The following DNAH12 variants were observed in gnomAD, a reference collection of about 807,000 sequenced individuals.
The protein encoded by DNAH12 is axonemal beta dynein heavy chain 12.
DNAH12 carries 285 observed loss-of-function variants against 371.5 expected under a neutral mutation model. The ratio of observed to expected loss-of-function variants is 0.77; its 90% CI spans 0.70 to 0.85. DNAH12 has a LOEUF of 0.85. Among genes scored for constraint, DNAH12 ranks in the 40% least tolerant of loss-of-function variants. DNAH12 has a pLI of 0.00. For synonymous variants in DNAH12, 1,200 were observed against 1,213.0 expected (o/e 0.99, Z 0.22); for missense variants, 3,611 against 3,689.4 (o/e 0.98, Z 0.55).
At chr3:57,399,461 T>C (rs1408073989) in intron 43 of DNAH12, among the ~76,000 whole-genome samples, 1 of 152,018 alleles carries the variant, frequency 6.6e-6, no homozygotes, top group Non-Finnish European at 1.5e-5. Flanking sequence ...ATATGTAAGC[T>C]AAAGAATGGA....
At position 57,326,487 on chromosome 3, in the gene DNAH12, C is replaced by T. The variant is rs575168779; in HGVS notation, c.9979-2868G>A. 2.6e-5 allele frequency among the ~76,000 whole-genome samples: 4 copies of T among 152,228 alleles called. No individual in the cohort carries two copies. The South Asian group carries it at 6.2e-4, about 24-fold the overall frequency. ...CTTCAGAAGTGAAGGAGAAATAAAA[C>T]ACTTTACAGACAAACAAATGCTGAG... On this transcript the variant is annotated intron_variant, in intron 62 of 73. Transcript: ENST00000495027.
chr3:57,523,635 TAAATC>T, intron 3 of DNAH12, 26 bp from the exon 4 acceptor site: 1 of 1,521,314 alleles, frequency 6.6e-7, no homozygotes, highest in Non-Finnish European at 8.8e-7. Flanking sequence ...AGGATATAAT[TAAATC>T]AAGGAGAACA....
intron 4 of DNAH12, among the ~76,000 whole-genome samples, chr3:57,511,631 G>A (rs555496365): frequency 6.6e-6 from 1 of 152,232 alleles, no homozygotes; most frequent in Non-Finnish European, 1.5e-5. Context: ...GAATAGCCAA[G>A]AAAACCCTGA....
At chr3:57,420,549 T>C (rs1201186507) in intron 36 of DNAH12, among the ~76,000 whole-genome samples, 2 of 152,176 alleles carry the variant, frequency 1.3e-5, no homozygotes, top group African/African-American at 2.4e-5. Flanking sequence ...ACTGTCACTT[T>C]CCCTTTCCTA....
At chr3:57,471,636 T>C in intron 14 of DNAH12, 30 bp from the exon 15 acceptor site, 8 of 1,496,150 alleles carry the variant, frequency 5.3e-6, no homozygotes, top group Non-Finnish European at 7.1e-6. Context: ...ATCATGTTAG[T>C]TAATCTGTAA....
intron 60 of DNAH12, among the ~76,000 whole-genome samples, chr3:57,339,177 A>G (rs969953017): frequency 6.6e-6 from 1 of 152,184 alleles, no homozygotes. Context: ...GCTTGAAGGC[A>G]GCATGCTCGT....
chr3:57,406,855 G>A (rs868909049), intron 40 of DNAH12, among the ~76,000 whole-genome samples: 20 of 152,016 alleles, frequency 1.3e-4, no homozygotes, highest in African/African-American at 4.6e-4. Context: ...TTAAAGGAAG[G>A]TGAATTAAGC....
chr3:57,542,631 T>C, intron 2 of DNAH12, 70 bp downstream of exon 2: 1 of 1,477,866 alleles, frequency 6.8e-7, no homozygotes, highest in Non-Finnish European at 8.9e-7. Context: ...TAAAACTTTT[T>C]AGGAGAATAT....
rs546092281 is a variant in DNAH12 at position 57,425,687 on chromosome 3, G to T, written c.5254-546C>A. ...AATTATACATAACAATTGTACAATCGCACATAATACATTCTAAATTCTCTG... is the reference window on the plus strand; with the variant it reads ...AATTATACATAACAATTGTACAATCTCACATAATACATTCTAAATTCTCTG... On this transcript the variant is annotated intron_variant, in intron 34 of 73. Coordinates refer to ENST00000495027, the MANE Select transcript of DNAH12 (RefSeq NM_001366028.2). 2.0e-5 allele frequency among the ~76,000 whole-genome samples: 3 copies of T among 151,992 alleles called. No individual in the cohort carries two copies. The South Asian group carries it at 6.2e-4, about 32-fold the overall frequency.
intron 13 of DNAH12, among the ~76,000 whole-genome samples, chr3:57,478,681 T>A (rs6787096): frequency 6.6e-6 from 1 of 152,114 alleles, no homozygotes; most frequent in Non-Finnish European, 1.5e-5. Flanking sequence ...AGAGAAAGGT[T>A]GGGTTACCAA....
intron 38 of DNAH12, 82 bp downstream of exon 38, chr3:57,415,344 T>C: frequency 6.8e-7 from 1 of 1,472,076 alleles, no homozygotes; most frequent in Non-Finnish European, 9.1e-7. Flanking sequence ...ACACAGTTGC[T>C]TATTTAATGT....
intron 62 of DNAH12, among the ~76,000 whole-genome samples, chr3:57,328,510 A>G (rs1029630384): frequency 8.1e-5 from 12 of 149,008 alleles, no homozygotes; most frequent in African/African-American, 1.7e-4. Flanking sequence ...AAATTCAACA[A>G]CCCTTCATGC....
rs550688927 is a variant in DNAH12 at position 57,334,832 on chromosome 3, G to C, written c.9783C>G (p.Ser3261Arg). ...NPDPTWLQDK[S>R]WEEICRASEF... ...CACTTGCCCGACAGATTTCCTCCCA[G>C]CTTTTGTCCTGTAGCCAAGTTGGAT... Residue 3261 changes from serine (S) to arginine (R), a missense_variant, in exon 61 of 74, where the codon AGC becomes AGG. By Grantham distance (110) the Ser-to-Arg change is moderately radical (BLOSUM62 -1). Transcript: ENST00000495027. The C allele has an allele frequency of 6.4e-7, 1 of 1,552,000 alleles. No homozygotes were observed. The highest frequency in any genetic ancestry group is 2.0e-5 in the Admixed American group (1 of 50,998).
intron 43 of DNAH12, among the ~76,000 whole-genome samples, chr3:57,398,629 A>C (rs1457572440): frequency 2.6e-5 from 4 of 152,220 alleles, no homozygotes; most frequent in African/African-American, 9.6e-5. Context: ...TACAGACCAG[A>C]AGGAAGTAAG....
intron 65 of DNAH12, among the ~76,000 whole-genome samples, chr3:57,319,742 A>AT (rs2061763864): frequency 7.2e-6 from 1 of 138,984 alleles, no homozygotes; most frequent in African/African-American, 2.6e-5. Context: ...ACACCTTGCT[A>AT]ATTTTTTTTT....
At chr3:57,497,753 C>T (rs1485064674) in intron 11 of DNAH12, among the ~76,000 whole-genome samples, 1 of 151,944 alleles carries the variant, frequency 6.6e-6, no homozygotes, top group Admixed American at 6.6e-5. Flanking sequence ...AACGTATGAA[C>T]CTCAGAAGAA....
intron 2 of DNAH12, among the ~76,000 whole-genome samples, chr3:57,525,152 A>C (rs1364917106): frequency 2.2e-4 from 27 of 123,366 alleles, no homozygotes; most frequent in Non-Finnish European, 1.3e-4. Context: ...TAAGAGGAGA[A>C]ACAAAAAAAA....
chr3:57,462,729 G>C lies in DNAH12; in HGVS notation c.2496C>G (p.Tyr832Ter). 6.4e-6 allele frequency: 10 copies of C among 1,551,468 alleles called. No individual in the cohort carries two copies. Among genetic ancestry groups the C allele is most frequent in the Non-Finnish European group, 8.7e-6 (10 of 1,146,894 alleles). Residue 832 changes from tyrosine to a stop codon, truncating the protein, a stop_gained, in exon 18 of 74, where the codon TAC (tyrosine) becomes TAG (stop). Coordinates refer to ENST00000495027, the MANE Select transcript of DNAH12 (RefSeq NM_001366028.2). LOFTEE classifies it high-confidence loss of function. Reference protein sequence around the residue: ...RKVLKLNLTPYLEQFEVISAG... With the variant: ...RKVLKLNLTP The stretch of plus-strand genomic sequence containing the variant: ...CACTTATCACTTCAAATTGTTCCAA[G>C]TATGGGGTAAGGTTTAATTTTAAAA...
At chr3:57,410,821 CA>C (rs36056798) in intron 39 of DNAH12, among the ~76,000 whole-genome samples, 3,591 of 146,580 alleles carry the variant, frequency 0.024, 67 homozygotes, top group Admixed American at 0.036. Context: ...GTCTCAAAGG[CA>C]AAAAAAAAAG....
Sources: gnomAD v4.1 joint callset for allele counts (sites outside exome capture counted in the v4.1 genomes callset) on GRCh38, gnomAD v4.1.1 for gene constraint, MANE v1.5 for transcripts, NCBI Gene and HGNC (gene_info 2026-07-23, HGNC 2026-07-21) for gene names.